UNC13C: variants seen among roughly 807,000 people sequenced by gnomAD.
The protein encoded by UNC13C is protein unc-13 homolog C.
A neutral mutation model predicts 245.4 loss-of-function variants in UNC13C; 174 were observed. The observed-to-expected ratio is 0.71, with a 90% CI of 0.63 to 0.80. The LOEUF (loss-of-function observed/expected upper bound fraction) is 0.80. Ranked by LOEUF, UNC13C falls within the 30% of genes least tolerant of loss-of-function variation. The pLI is 0.00. For missense variants in UNC13C, 2,829 were observed against 2,602.9 expected (o/e 1.09, Z -1.89); for synonymous variants, 992 against 895.1 (o/e 1.11, Z -1.93).
In UNC13C at chr15:54,494,552, T is replaced by C; in HGVS notation, c.4934-56T>C. 4.1e-6 allele frequency: 6 copies of C among 1,454,272 alleles called. No homozygotes were observed. The East Asian group carries it at 1.5e-4, about 37-fold the overall frequency. The allele number at this position is 1,454,272 out of a possible 1,614,324, so 90.1% of individuals were successfully genotyped here. ...CTATTAATAAAAATAGATTGGAACA[T>C]AGCAGCATTGTTGGCAAACCAAGCT... is the stretch of plus-strand genomic sequence containing the variant. On this transcript the variant is annotated intron_variant, in intron 19 of 32. Transcript: ENST00000260323.
intron 1 of UNC13C, among the ~76,000 whole-genome samples, chr15:53,984,435 A>T (rs919165156): frequency 6.6e-6 from 1 of 152,078 alleles, no homozygotes; most frequent in African/African-American, 2.4e-5. Flanking sequence ...ATATTTTTGC[A>T]TGTTACTTTT....
chr15:54,249,793 T>C (rs182958752), intron 7 of UNC13C, among the ~76,000 whole-genome samples: 25 of 152,338 alleles, frequency 1.6e-4, no homozygotes, highest in Admixed American at 7.2e-4. Context: ...TTCCTGCAGA[T>C]TGAATTACAG....
intron 17 of UNC13C, among the ~76,000 whole-genome samples, chr15:54,361,443 C>T (rs2039229233): frequency 6.6e-6 from 1 of 152,132 alleles, no homozygotes; most frequent in African/African-American, 2.4e-5. Context: ...TTCCCCTGAA[C>T]TTCTTTAAGG....
intron 19 of UNC13C, among the ~76,000 whole-genome samples, chr15:54,437,234 A>G (rs1215300919): frequency 1.3e-5 from 2 of 151,980 alleles, no homozygotes; most frequent in East Asian, 3.9e-4. Context: ...GAGGAAATAC[A>G]TGTCCATCTT....
chr15:54,125,669 G>A (rs1469472784), intron 2 of UNC13C, among the ~76,000 whole-genome samples: 1 of 152,082 alleles, frequency 6.6e-6, no homozygotes, highest in Non-Finnish European at 1.5e-5. Flanking sequence ...AACAATATTT[G>A]TGTATTTGTT....
chr15:54,138,722 A>ATAAC (rs1161700766), intron 2 of UNC13C, among the ~76,000 whole-genome samples: 1 of 151,926 alleles, frequency 6.6e-6, no homozygotes, highest in Non-Finnish European at 1.5e-5. Context: ...TGGGGTTGCC[A>ATAAC]TAACATAATA....
In UNC13C at chr15:54,567,799, G is replaced by A; in HGVS notation, c.5959-1G>A. On this transcript the variant is annotated splice_acceptor_variant, in intron 29 of 32. Transcript: ENST00000260323. LOFTEE classifies it high-confidence loss of function. ...CTCGGCTTATTTTTTTTTCTTTGTA[G>A]CAATACTTTCATGCAGGAGGAAATG... The A allele has an allele frequency of 6.3e-7, 1 of 1,579,268 alleles. No individual in the cohort carries two copies. Among genetic ancestry groups the A allele is most frequent in the Non-Finnish European group, 8.6e-7 (1 of 1,163,000 alleles).
intron 17 of UNC13C, among the ~76,000 whole-genome samples, chr15:54,360,332 G>A (rs779044706): frequency 3.3e-5 from 5 of 152,004 alleles, no homozygotes; most frequent in Non-Finnish European, 7.4e-5. Context: ...AGTCTTGAGT[G>A]CAGTTTAACT....
At chr15:54,612,960 G>T (rs868513088) in intron 30 of UNC13C, among the ~76,000 whole-genome samples, 7 of 151,722 alleles carry the variant, frequency 4.6e-5, no homozygotes, top group Middle Eastern at 3.4e-3. Flanking sequence ...AATTCAGTGG[G>T]GTCCTAATTT....
At chr15:54,164,587 G>A (rs898881570) in intron 4 of UNC13C, among the ~76,000 whole-genome samples, 6 of 152,216 alleles carry the variant, frequency 3.9e-5, no homozygotes, top group Admixed American at 2.0e-4. Flanking sequence ...AACAGGTATT[G>A]CAAGTGGTTA....
chr15:53,948,640 G>C, the UNC13C span: 1 of 151,408 alleles, frequency 6.6e-6, no homozygotes, highest in Non-Finnish European at 1.5e-5. Flanking sequence ...GTTATCAACA[G>C]AAATTTATTA....
Position 54,340,984 on chromosome 15 carries a change from G to A in UNC13C, c.4713+2495G>A, listed in dbSNP as rs545301851. On this transcript the variant is annotated intron_variant, in intron 17 of 32. Transcript: ENST00000260323. Reference sequence around the variant, plus strand: ...ATGCTGGTAAGGCTGCAGAAAAAAGGGAATGCTTATACACTGTTGGTGGGA... The same window carrying A: ...ATGCTGGTAAGGCTGCAGAAAAAAGAGAATGCTTATACACTGTTGGTGGGA... Among the ~76,000 whole-genome samples the A allele has an allele frequency of 1.1e-4, 16 of 152,258 alleles. No individual in the cohort carries two copies. The South Asian group carries it at 3.1e-3, about 30-fold the overall frequency.
rs1895510366 is a variant in UNC13C at position 54,013,936 on chromosome 15, A to G, written c.1033A>G (p.Lys345Glu). Residue 345 changes from lysine to glutamate, a missense_variant, in exon 2 of 33, where the codon AAA becomes GAA. By Grantham distance (56) the Lys-to-Glu change is moderately conservative. Coordinates refer to ENST00000260323, the MANE Select transcript of UNC13C (RefSeq NM_001080534.3). ...ESVVYQILIDKMGFSDAPNAI... is the reference protein window; with the variant it reads ...ESVVYQILIDEMGFSDAPNAI... ...CGTGGTGTACCAAATTCTAATAGAT[A>G]AAATGGGTTTTTCAGATGCACCAAA... 6.2e-7 allele frequency: 1 copy of G among 1,613,452 alleles called. No homozygotes were observed. The highest frequency in any genetic ancestry group is 8.5e-7 in the Non-Finnish European group (1 of 1,179,734).
intron 19 of UNC13C, among the ~76,000 whole-genome samples, chr15:54,427,208 C>T (rs1202077724): frequency 6.6e-6 from 1 of 151,740 alleles, no homozygotes; most frequent in African/African-American, 2.4e-5. Context: ...TCCCAGAATT[C>T]CCATGTGTTG....
At position 54,508,646 on chromosome 15, in the gene UNC13C, T is replaced by C. The variant is rs555923164; in HGVS notation, c.5379+1452T>C. Among the ~76,000 whole-genome samples the C allele has an allele frequency of 1.2e-4, 19 of 152,288 alleles. No individual in the cohort carries two copies. In the South Asian group the frequency reaches 2.5e-3, roughly 20 times the overall value. On this transcript the variant is annotated intron_variant, in intron 23 of 32. Transcript: ENST00000260323. Reference sequence around the variant, plus strand: ...TATACACTGTTGCTTAAATGCCAAGTATCATTTTAGCTTTTATAAAAGAAT... The same window carrying C: ...TATACACTGTTGCTTAAATGCCAAGCATCATTTTAGCTTTTATAAAAGAAT...
At chr15:54,481,350 A>G (rs891816661) in intron 19 of UNC13C, among the ~76,000 whole-genome samples, 1 of 151,770 alleles carries the variant, frequency 6.6e-6, no homozygotes, top group African/African-American at 2.4e-5. Context: ...TGGGCAGGCC[A>G]GTCCCTGACC....
intron 19 of UNC13C, among the ~76,000 whole-genome samples, chr15:54,452,160 A>T (rs1891216921): frequency 6.6e-6 from 1 of 152,082 alleles, no homozygotes; most frequent in Non-Finnish European, 1.5e-5. Context: ...GTGAGCAGTG[A>T]TGGAGCAAAT....
chr15:54,547,700 G>A (rs569717540), intron 27 of UNC13C, among the ~76,000 whole-genome samples: 1 of 152,148 alleles, frequency 6.6e-6, no homozygotes, highest in South Asian at 2.1e-4. Flanking sequence ...CAGACAGTGA[G>A]TGATAAAATA....
At chr15:54,405,200 A>C (rs959982095) in intron 18 of UNC13C, among the ~76,000 whole-genome samples, 2 of 152,120 alleles carry the variant, frequency 1.3e-5, no homozygotes, top group African/African-American at 2.4e-5. Flanking sequence ...TATCATCCCC[A>C]TTTGACAAGT....
Sources: allele counts gnomAD v4.1 joint callset (sites outside exome capture counted in the v4.1 genomes callset), GRCh38; gene constraint gnomAD v4.1.1; transcripts MANE v1.5; gene names NCBI Gene and HGNC (gene_info 2026-07-23, HGNC 2026-07-21).